Variants in RBFOX2 observed in about 807,000 individuals in gnomAD.
RBFOX2 encodes the protein RNA binding fox-1 homolog 2.
Under a neutral mutation model 49.1 loss-of-function variants are expected in RBFOX2, and 10 were observed. That is an observed-to-expected ratio of 0.20 (90% CI 0.13 to 0.35). RBFOX2 has a LOEUF of 0.35. RBFOX2 is among the 10% of genes least tolerant of loss of function. The pLI is 1.00. For synonymous variants in RBFOX2, 183 were observed against 187.4 expected, an observed-to-expected ratio of 0.98 and a Z score of 0.19; for missense variants, 323 against 486.9, an observed-to-expected ratio of 0.66 and a Z score of 3.17.
chr22:35,888,908 A>G (rs1399183656), intron 1 of RBFOX2, among the ~76,000 whole-genome samples: 1 of 152,072 alleles, frequency 6.6e-6, no homozygotes, highest in East Asian at 1.9e-4. Flanking sequence ...TAATCCCAGC[A>G]CTCTGGGAGG....
At chr22:35,920,992 T>C (rs1161795265) in intron 1 of RBFOX2, among the ~76,000 whole-genome samples, 1 of 152,230 alleles carries the variant, frequency 6.6e-6, no homozygotes, top group African/African-American at 2.4e-5. Context: ...TTTTCTTCAA[T>C]GAATGCAAAT....
intron 1 of RBFOX2, among the ~76,000 whole-genome samples, chr22:35,879,763 A>T (rs2045632937): frequency 6.6e-6 from 1 of 152,304 alleles, no homozygotes; most frequent in African/African-American, 2.4e-5. Flanking sequence ...GATTAGAATA[A>T]ATTCTTCAGT....
chr22:35,929,825 G>A (rs1042670810), intron 1 of RBFOX2, among the ~76,000 whole-genome samples: 1 of 152,044 alleles, frequency 6.6e-6, no homozygotes, highest in African/African-American at 2.4e-5. Flanking sequence ...CAGAGCAGTG[G>A]TTGGCTGGGG....
intron 2 of RBFOX2, among the ~76,000 whole-genome samples, chr22:35,799,561 C>T (rs911956920): frequency 1.3e-5 from 2 of 152,208 alleles, no homozygotes; most frequent in African/African-American, 4.8e-5. Context: ...GACCATCCAA[C>T]ATAAGCGAAA....
chr22:35,957,211 C>A (rs2055666443), intron 1 of RBFOX2, among the ~76,000 whole-genome samples: 1 of 152,180 alleles, frequency 6.6e-6, no homozygotes, highest in Non-Finnish European at 1.5e-5. Flanking sequence ...TACTACCTAC[C>A]TCATAGGATT....
intron 9 of RBFOX2, among the ~76,000 whole-genome samples, chr22:35,755,284 CA>C (rs952872798): frequency 6.6e-6 from 1 of 152,184 alleles, no homozygotes; most frequent in African/African-American, 2.4e-5. Context: ...TAAAAGACTT[CA>C]AAACTCAAAA....
intron 1 of RBFOX2, among the ~76,000 whole-genome samples, chr22:35,869,778 G>A (rs1428160442): frequency 1.3e-5 from 2 of 152,176 alleles, no homozygotes; most frequent in Non-Finnish European, 2.9e-5. Context: ...TACTTCTACT[G>A]CAGACTTACC....
At chr22:35,947,884 A>T (rs2054491661) in intron 1 of RBFOX2, among the ~76,000 whole-genome samples, 1 of 152,098 alleles carries the variant, frequency 6.6e-6, no homozygotes, top group Non-Finnish European at 1.5e-5. Context: ...GTTAAAGAAA[A>T]ATAATTTTGT....
intron 1 of RBFOX2, among the ~76,000 whole-genome samples, chr22:36,021,931 A>G (rs985183568): frequency 3.3e-5 from 5 of 152,184 alleles, no homozygotes; most frequent in Non-Finnish European, 5.9e-5. Flanking sequence ...AAGAAACTCA[A>G]TACTCCTAGG....
Position 35,836,814 on chromosome 22 carries a change from A to AT in RBFOX2, c.27+3377dup, listed in dbSNP as rs1957764140. 4.6e-5 allele frequency among the ~76,000 whole-genome samples: 7 copies of AT among 152,344 alleles called. No individual in the cohort carries two copies. The South Asian group carries it at 1.4e-3, about 32-fold the overall frequency. On this transcript the variant is annotated intron_variant, in intron 1 of 11. Transcript: ENST00000405409. ...TAACTGAATTTGAGTTTGGCTAAACATTTATTTTTTACTAATTAGTGTTGA... is the reference window on the plus strand; with the variant it reads ...TAACTGAATTTGAGTTTGGCTAAACATTTTATTTTTTACTAATTAGTGTTGA...
intron 1 of RBFOX2, among the ~76,000 whole-genome samples, chr22:35,837,079 T>C (rs996455939): frequency 5.3e-5 from 8 of 152,226 alleles, no homozygotes; most frequent in Non-Finnish European, 1.2e-4. Context: ...TGTGATTAAA[T>C]TGCCATTTGC....
chr22:35,886,832 G>A (rs1050466883), intron 1 of RBFOX2, among the ~76,000 whole-genome samples: 5 of 152,148 alleles, frequency 3.3e-5, no homozygotes, highest in Non-Finnish European at 1.5e-5. Flanking sequence ...TGTGGTACAC[G>A]ACTGTACAGT....
At chr22:35,745,995 A>C (rs781522651) in exon 11 of RBFOX2, 33 of 1,612,378 alleles carry the variant, frequency 2.0e-5, no homozygotes, top group Non-Finnish European at 2.6e-5. Flanking sequence ...CCCTGCCATA[A>C]CTGGAAAGAA....
At chr22:35,823,744 A>G (rs899369088) in intron 1 of RBFOX2, among the ~76,000 whole-genome samples, 10 of 152,368 alleles carry the variant, frequency 6.6e-5, no homozygotes, top group African/African-American at 2.4e-4. Context: ...AGAAGATTAA[A>G]AGGAAAATAA....
chr22:35,966,965 A>G (rs1603459570), intron 1 of RBFOX2, among the ~76,000 whole-genome samples: 1 of 151,228 alleles, frequency 6.6e-6, no homozygotes, highest in African/African-American at 2.4e-5. Context: ...GGCACATGGC[A>G]TTATGCGCAG....
intron 1 of RBFOX2, among the ~76,000 whole-genome samples, chr22:35,955,735 C>T (rs1415884633): frequency 1.3e-5 from 2 of 152,174 alleles, no homozygotes; most frequent in South Asian, 2.1e-4. Flanking sequence ...TTGCTGCTCA[C>T]CTCCTGCCGT....
intron 1 of RBFOX2, among the ~76,000 whole-genome samples, chr22:35,876,234 TA>T (rs2045065717): frequency 6.6e-6 from 1 of 152,172 alleles, no homozygotes; most frequent in South Asian, 2.1e-4. Context: ...AAAATTTTTT[TA>T]TTTTTTTTGA....
At chr22:36,002,137 T>C (rs2058451635) in intron 1 of RBFOX2, among the ~76,000 whole-genome samples, 1 of 152,194 alleles carries the variant, frequency 6.6e-6, no homozygotes, top group Non-Finnish European at 1.5e-5. Context: ...CATTTTTCAC[T>C]TCGGCTTGTG....
chr22:35,840,578 G>A (rs1958571355), exon 1 of RBFOX2: 2 of 1,173,098 alleles, frequency 1.7e-6, no homozygotes, highest in Middle Eastern at 3.6e-4. Flanking sequence ...AAGCAGGCCT[G>A]CTGGAGAATG....
Sources: gnomAD v4.1 joint callset for allele counts (sites outside exome capture counted in the v4.1 genomes callset) on GRCh38, gnomAD v4.1.1 for gene constraint, MANE v1.5 for transcripts, NCBI Gene and HGNC (gene_info 2026-07-23, HGNC 2026-07-21) for gene names.